Variants in L3MBTL1 observed in about 807,000 individuals in gnomAD.
The protein encoded by L3MBTL1 is L3MBTL histone methyl-lysine binding protein 1, also known as lethal(3)malignant brain tumor-like protein 1.
Under a neutral mutation model 105.3 loss-of-function variants are expected in L3MBTL1, and 75 were observed. That is an observed-to-expected ratio of 0.71 (90% CI 0.59 to 0.86). The LOEUF (loss-of-function observed/expected upper bound fraction) is 0.86. L3MBTL1 is among the 40% of genes least tolerant of loss of function. The pLI is 0.00. For missense variants in L3MBTL1, 1,069 were observed against 1,126.4 expected (o/e 0.95, Z 0.73); for synonymous variants, 452 against 436.2 (o/e 1.04, Z -0.45).
At chr20:43,509,243 CT>C (rs1462270433) in intron 1 of L3MBTL1, among the ~76,000 whole-genome samples, 1 of 151,720 alleles carries the variant, frequency 6.6e-6, no homozygotes, top group African/African-American at 2.4e-5. Context: ...CCCTTTCTCT[CT>C]GACAGGGTCT....
At chr20:43,521,037 A>G (rs2018678017) in intron 7 of L3MBTL1, among the ~76,000 whole-genome samples, 2 of 152,232 alleles carry the variant, frequency 1.3e-5, no homozygotes, top group African/African-American at 4.8e-5. Flanking sequence ...TTTGGAGCCC[A>G]GCCTCTTCAG....
In L3MBTL1 at chr20:43,514,656, C is replaced by T; in HGVS notation, c.382C>T (p.Pro128Ser). The T allele has an allele frequency of 6.3e-7, 1 of 1,596,810 alleles. No homozygotes were observed. The highest frequency in any genetic ancestry group is 2.3e-5 in the East Asian group (1 of 44,166). ...GLRFRISEYKPLNMAGVEQPP... is the reference protein window; with the variant it reads ...GLRFRISEYKSLNMAGVEQPP... Reference sequence around the variant, plus strand: ...CCAGTTCCGGATAAGCGAGTATAAGCCGCTGAACATGGCGGGAGTGGAGCA... The same window carrying T: ...CCAGTTCCGGATAAGCGAGTATAAGTCGCTGAACATGGCGGGAGTGGAGCA... Residue 128 changes from proline to serine, a missense_variant, in exon 4 of 22, where the codon CCG becomes TCG. Transcript: ENST00000418998.
Position 43,519,094 on chromosome 20 carries a change from T to C in L3MBTL1, c.862+2917T>C, listed in dbSNP as rs543773144. Among the ~76,000 whole-genome samples the C allele has an allele frequency of 8.6e-5, 13 of 151,956 alleles. No homozygotes were observed. In the East Asian group the frequency reaches 2.3e-3, roughly 27 times the overall value. ...CATGGTCCCTGTAATCCCAGCACTT[T>C]GGGAGGCTGAGGTGGATGGATCACT... On this transcript the variant is annotated intron_variant, in intron 7 of 21. Transcript: ENST00000418998.
At chr20:43,542,625 AAAAAAG>A (rs1160940805), downstream of L3MBTL1, among the ~76,000 whole-genome samples, 1 of 151,812 alleles carries the variant, frequency 6.6e-6, no homozygotes, top group Admixed American at 6.6e-5. Context: ...AAAAAAAAAA[AAAAAAG>A]AAAAGAAAAA....
At position 43,514,062 on chromosome 20, in the gene L3MBTL1, G is replaced by T; in HGVS notation, c.360+1G>T. 6.5e-7 allele frequency: 1 copy of T among 1,532,588 alleles called. No individual in the cohort carries two copies. The highest frequency in any genetic ancestry group is 1.2e-5 in the South Asian group (1 of 83,884). The allele number at this position is 1,532,588 out of a possible 1,614,324, so 94.9% of individuals were successfully genotyped here. On this transcript the variant is annotated splice_donor_variant, in intron 3 of 21. Coordinates refer to ENST00000418998, the MANE Select transcript of L3MBTL1 (RefSeq NM_001377303.1). LOFTEE classifies it high-confidence loss of function. ...CCCGCCCCCAGGGGGCGGCCTGCGGGTCAGTGTCTGTGGGGATTGGCTAAG... is the reference window on the plus strand; with the variant it reads ...CCCGCCCCCAGGGGGCGGCCTGCGGTTCAGTGTCTGTGGGGATTGGCTAAG...
In L3MBTL1 at chr20:43,528,720, C is replaced by A. The variant is rs1427728042; in HGVS notation, c.926C>A (p.Thr309Asn). 6.2e-7 allele frequency: 1 copy of A among 1,613,868 alleles called. No homozygotes were observed. Among genetic ancestry groups the A allele is most frequent in the Non-Finnish European group, 8.5e-7 (1 of 1,179,838 alleles). ...ESYLEEQKAI[T>N]APVSLFQDSQ... ...TACCTAGAGGAGCAGAAGGCCATTA[C>A]TGCTCCAGTCAGCCTCTTCCAGGAC... The change falls in exon 8 of 22, where the codon ACT becomes AAT. Residue 309 changes from threonine (T) to asparagine (N), a missense_variant. Physicochemically the swap from Thr to Asn is moderately conservative, Grantham distance 65. Coordinates refer to ENST00000418998, the MANE Select transcript of L3MBTL1 (RefSeq NM_001377303.1).
chr20:43,513,400 C>A (rs2018190936), intron 1 of L3MBTL1, 76 bp from the exon 2 acceptor site: 3 of 1,416,558 alleles, frequency 2.1e-6, no homozygotes, highest in Non-Finnish European at 2.8e-6. Flanking sequence ...AAAGAAGCCC[C>A]ATCCCTTCAC....
At chr20:43,523,663 G>T in intron 7 of L3MBTL1, 1 of 181,648 alleles carries the variant, frequency 5.5e-6, no homozygotes, top group Non-Finnish European at 1.2e-5. Context: ...TGGTCAACAA[G>T]ATCTCCTTAT....
chr20:43,519,677 C>G lies in L3MBTL1; in HGVS notation c.862+3500C>G, dbSNP rs554632346. ...ATGAGGTCTTGCTGTATTGCCCAGG[C>G]TGGAGTACAGTAGTGATTCACAATG... On this transcript the variant is annotated intron_variant, in intron 7 of 21. Coordinates refer to ENST00000418998, the MANE Select transcript of L3MBTL1 (RefSeq NM_001377303.1). 1.2e-3 allele frequency among the ~76,000 whole-genome samples: 187 copies of G among 152,258 alleles called. 1 individual carries two copies. The highest frequency in any genetic ancestry group is 4.1e-3 in the African/African-American group (170 of 41,550).
chr20:43,514,547 G>A, intron 3 of L3MBTL1, 88 bp from the exon 4 acceptor site: 1 of 1,587,204 alleles, frequency 6.3e-7, no homozygotes, highest in South Asian at 1.1e-5. Flanking sequence ...GAGCTGGCAT[G>A]AGGCGAAGAG....
chr20:43,535,210 C>T (rs2019546024), intron 16 of L3MBTL1, among the ~76,000 whole-genome samples: 1 of 152,132 alleles, frequency 6.6e-6, no homozygotes, highest in Non-Finnish European at 1.5e-5. Context: ...CAGAGGTGGT[C>T]AGGCACCCAG....
intron 1 of L3MBTL1, among the ~76,000 whole-genome samples, chr20:43,513,151 G>A (rs747906199): frequency 6.6e-5 from 10 of 152,204 alleles, no homozygotes; most frequent in Non-Finnish European, 7.3e-5. Flanking sequence ...GAGACAACTG[G>A]CCACACAGAA....
intron 18 of L3MBTL1, among the ~76,000 whole-genome samples, chr20:43,547,102 C>CTT (rs11478523): frequency 7.9e-4 from 97 of 122,630 alleles, no homozygotes; most frequent in Non-Finnish European, 1.0e-3. Context: ...TTTTTAATGA[C>CTT]TTTTTTTTTT....
rs182217483 is a variant in L3MBTL1 at position 43,534,184 on chromosome 20, G to T, written c.1599+91G>T. On this transcript the variant is annotated intron_variant, in intron 14 of 21. Transcript: ENST00000418998. ...CTGGGGCCCTAGCCTTCCCCTTTGG[G>T]CAGGCCCCAGTTTCCCCAGGCACAG... The T allele has an allele frequency of 4.0e-5, 61 of 1,521,290 alleles. No homozygotes were observed. The African/African-American group carries it at 7.8e-4, about 20-fold the overall frequency. The allele number at this position is 1,521,290 out of a possible 1,614,324, so 94.2% of individuals were successfully genotyped here. A position where few individuals can be genotyped will look rare whatever the true frequency, so the allele number is the denominator to read the frequency against.
chr20:43,536,125 T>A lies in L3MBTL1; in HGVS notation c.1954T>A (p.Ser652Thr). Residue 652 changes from serine (S) to threonine (T), a missense_variant, in exon 18 of 22, where the codon TCT (serine) becomes ACT (threonine). Physicochemically the swap from Ser to Thr is moderately conservative, Grantham distance 58. Coordinates refer to ENST00000418998, the MANE Select transcript of L3MBTL1 (RefSeq NM_001377303.1). ...RKCPTPGCDG[S>T]GHVTGKFTAH... ...GTGCCCCACTCCTGGTTGCGACGGC[T>A]CTGGCCATGTCACAGGCAAGTTCAC... is the stretch of plus-strand genomic sequence containing the variant. The A allele has an allele frequency of 6.2e-7, 1 of 1,613,620 alleles. No individual in the cohort carries two copies. The highest frequency in any genetic ancestry group is 8.5e-7 in the Non-Finnish European group (1 of 1,180,024).
At chr20:43,532,382 A>AT in intron 11 of L3MBTL1, 2 of 188,352 alleles carry the variant, frequency 1.1e-5, no homozygotes, top group Non-Finnish European at 2.2e-5. Flanking sequence ...GTCTGCCTCT[A>AT]TGCCATAGAT....
downstream of L3MBTL1, among the ~76,000 whole-genome samples, chr20:43,543,325 T>G (rs972924163): frequency 2.0e-5 from 3 of 152,216 alleles, no homozygotes; most frequent in African/African-American, 7.2e-5. Flanking sequence ...CGTGGCACGC[T>G]GTTTCAAACC....
chr20:43,514,373 A>G, intron 3 of L3MBTL1: 1 of 1,355,642 alleles, frequency 7.4e-7, no homozygotes. Context: ...AGAGTGGGGT[A>G]CCGTGGGACT....
intron 7 of L3MBTL1, among the ~76,000 whole-genome samples, chr20:43,518,485 G>A (rs1410508016): frequency 4.6e-5 from 7 of 151,972 alleles, no homozygotes; most frequent in African/African-American, 9.7e-5. Flanking sequence ...TCTCCTTTTC[G>A]ATAACCATAT....
Sources: gnomAD v4.1 joint callset for allele counts (sites outside exome capture counted in the v4.1 genomes callset) on GRCh38, gnomAD v4.1.1 for gene constraint, MANE v1.5 for transcripts, NCBI Gene and HGNC (gene_info 2026-07-23, HGNC 2026-07-21) for gene names.